GABRG1: variants seen among roughly 807,000 people sequenced by gnomAD.
GABRG1 encodes the protein gamma-aminobutyric acid receptor subunit gamma-1.
Under a neutral mutation model 49.8 loss-of-function variants are expected in GABRG1, and 49 were observed. That is an observed-to-expected ratio of 0.98 (90% CI 0.78 to 1.25). The LOEUF (loss-of-function observed/expected upper bound fraction) is 1.25. Among genes scored for constraint, GABRG1 ranks in the 50% most tolerant of loss-of-function variants. The pLI is 0.00. For missense variants in GABRG1, 552 were observed against 552.3 expected, an observed-to-expected ratio of 1.00 and a Z score of 0.01; for synonymous variants, 232 against 185.1, an observed-to-expected ratio of 1.25 and a Z score of -2.06.
intron 1 of GABRG1, among the ~76,000 whole-genome samples, chr4:46,116,072 T>C (rs1445498007): frequency 1.3e-5 from 2 of 150,816 alleles, no homozygotes; most frequent in Non-Finnish European, 3.0e-5. Flanking sequence ...GCTTGCCAAC[T>C]TTTAGATTTT....
At chr4:46,063,042 T>A (rs1386670925) in intron 5 of GABRG1, among the ~76,000 whole-genome samples, 2 of 150,694 alleles carry the variant, frequency 1.3e-5, no homozygotes, top group Non-Finnish European at 3.0e-5. Flanking sequence ...TGGAAGAACA[T>A]TCCATGCTCA....
rs10627690 is a variant in GABRG1, at chr4:46,093,069, T to TAAA, written c.253+4129_253+4131dup. ...GGGCAACAACAGCGAAACTCCATCTTAAAAAAAAAAAAAAAAAAGTCAAAT... is the reference window on the plus strand; with the variant it reads ...GGGCAACAACAGCGAAACTCCATCTTAAAAAAAAAAAAAAAAAAAAAGTCAAAT... On this transcript the variant is annotated intron_variant, in intron 2 of 8. Coordinates refer to ENST00000295452, the MANE Select transcript of GABRG1 (RefSeq NM_173536.4). 2.1e-3 allele frequency among the ~76,000 whole-genome samples: 259 copies of TAAA among 122,226 alleles called. 3 individuals are homozygous for TAAA. Among genetic ancestry groups the TAAA allele is most frequent in the South Asian group, 0.013 (49 of 3,688 alleles). 80.2% of individuals were successfully genotyped at this position (122,226 alleles called of 152,430 possible).
Position 46,041,273 on chromosome 4 carries a change from G to T in GABRG1, c.1132-19C>A, listed in dbSNP as rs1334473307. The T allele has an allele frequency of 1.4e-5, 23 of 1,603,338 alleles. No homozygotes were observed. Among genetic ancestry groups the T allele is most frequent in the Middle Eastern group, 3.3e-4 (2 of 6,012 alleles). On this transcript the variant is annotated intron_variant, in intron 8 of 8. Coordinates refer to ENST00000295452, the MANE Select transcript of GABRG1 (RefSeq NM_173536.4). ...GAGTCATCTGAGCACAATAATAAAT[G>T]AATTTTTGACATCAAAAAAGTAGCA...
intron 2 of GABRG1, among the ~76,000 whole-genome samples, chr4:46,093,114 A>G (rs1436104828): frequency 1.3e-5 from 2 of 151,746 alleles, no homozygotes; most frequent in East Asian, 3.9e-4. Flanking sequence ...AAGAAAACAC[A>G]TATAGATATA....
intron 6 of GABRG1, 53 bp downstream of exon 6, chr4:46,058,432 T>C (rs1445643461): frequency 3.2e-5 from 51 of 1,596,786 alleles, no homozygotes; most frequent in Non-Finnish European, 4.3e-5. Context: ...ATATTTAAAA[T>C]AAAAATGTCA....
At chr4:46,119,742 T>A (rs1227976284) in intron 1 of GABRG1, among the ~76,000 whole-genome samples, 1 of 151,584 alleles carries the variant, frequency 6.6e-6, no homozygotes, top group African/African-American at 2.4e-5. Flanking sequence ...AGAGGTGTAT[T>A]TTTAATTTTG....
At chr4:46,104,789 G>A (rs576323806) in intron 1 of GABRG1, among the ~76,000 whole-genome samples, 6 of 151,230 alleles carry the variant, frequency 4.0e-5, no homozygotes, top group Non-Finnish European at 8.9e-5. Flanking sequence ...TGGATGCTGG[G>A]GATGCAAAGA....
chr4:46,058,548 T>G lies in GABRG1; in HGVS notation c.700A>C (p.Arg234=). ...CCTACAAATGCAAACTGATATAATC[T>G]CCAGTATTTAGGATCAGCCACTTCT... ...SVEVADPKYW[R]LYQFAFVGLR... The change falls in exon 6 of 9, where the codon AGA becomes CGA. Residue 234 remains arginine (R), a synonymous_variant. Coordinates refer to ENST00000295452, the MANE Select transcript of GABRG1 (RefSeq NM_173536.4). The G allele has an allele frequency of 6.2e-7, 1 of 1,613,198 alleles. No individual in the cohort carries two copies. Among genetic ancestry groups the G allele is most frequent in the South Asian group, 1.1e-5 (1 of 91,050 alleles).
chr4:46,119,311 T>G (rs1721026170), intron 1 of GABRG1, among the ~76,000 whole-genome samples: 1 of 151,462 alleles, frequency 6.6e-6, no homozygotes, highest in Non-Finnish European at 1.5e-5. Context: ...TTTAAAAAAT[T>G]TATCAACACT....
intron 2 of GABRG1, among the ~76,000 whole-genome samples, chr4:46,087,964 A>G (rs1038358703): frequency 1.3e-5 from 2 of 152,104 alleles, no homozygotes; most frequent in African/African-American, 4.8e-5. Flanking sequence ...AAATTTAAAT[A>G]GAAATTAATT....
intron 1 of GABRG1, among the ~76,000 whole-genome samples, chr4:46,110,721 T>G (rs1264427008): frequency 6.6e-6 from 1 of 151,174 alleles, no homozygotes; most frequent in African/African-American, 2.4e-5. Flanking sequence ...ATAAATGTGA[T>G]TCATCATATG....
intron 3 of GABRG1, among the ~76,000 whole-genome samples, chr4:46,066,460 T>C (rs188964322): frequency 6.2e-4 from 94 of 152,334 alleles, no homozygotes; most frequent in African/African-American, 2.0e-3. Context: ...TATGTACTAC[T>C]ATAATCATTA....
In GABRG1 at chr4:46,053,130, A is replaced by G. The variant is rs1046217106; in HGVS notation, c.917-1492T>C. On this transcript the variant is annotated intron_variant, in intron 7 of 8. Transcript: ENST00000295452. ...ATATACACAAAATGTACTTAATTTA[A>G]TTATTTGTCTTTTTTTTAAATTTCC... 6.6e-5 allele frequency among the ~76,000 whole-genome samples: 10 copies of G among 151,832 alleles called. 1 individual carries two copies. The highest frequency in any genetic ancestry group is 1.5e-4 in the Non-Finnish European group (10 of 67,856).
intron 3 of GABRG1, among the ~76,000 whole-genome samples, chr4:46,082,526 C>A (rs1346494795): frequency 1.3e-5 from 2 of 151,758 alleles, no homozygotes; most frequent in Non-Finnish European, 2.9e-5. Flanking sequence ...AAAGTTTGGA[C>A]ATGAGATCAA....
chr4:46,120,481 G>C (rs73146829), intron 1 of GABRG1, among the ~76,000 whole-genome samples: 7,780 of 151,518 alleles, frequency 0.051, 669 homozygotes, highest in African/African-American at 0.18. Context: ...TGTACACAGG[G>C]GTTTTATCAA....
At chr4:46,109,120 G>A (rs1303344878) in intron 1 of GABRG1, among the ~76,000 whole-genome samples, 1 of 150,836 alleles carries the variant, frequency 6.6e-6, no homozygotes. Context: ...ATGCCTAGTA[G>A]AATTTGGCTG....
intron 8 of GABRG1, among the ~76,000 whole-genome samples, chr4:46,049,803 T>G (rs761692161): frequency 9.9e-5 from 15 of 151,946 alleles, no homozygotes; most frequent in Non-Finnish European, 2.2e-4. Context: ...TGAGTGTACA[T>G]GATCTGCGGT....
chr4:46,093,709 T>C (rs903768943), intron 2 of GABRG1, among the ~76,000 whole-genome samples: 4 of 151,938 alleles, frequency 2.6e-5, no homozygotes, highest in Non-Finnish European at 5.9e-5. Context: ...ATGTACCCCA[T>C]AAATGTATAC....
At chr4:46,053,127 T>A (rs949363235) in intron 7 of GABRG1, among the ~76,000 whole-genome samples, 2 of 151,878 alleles carry the variant, frequency 1.3e-5, no homozygotes, top group Admixed American at 1.3e-4. Flanking sequence ...TGTACTTAAT[T>A]TAATTATTTG....
Sources: gnomAD v4.1 joint callset for allele counts (sites outside exome capture counted in the v4.1 genomes callset) on GRCh38, gnomAD v4.1.1 for gene constraint, MANE v1.5 for transcripts, NCBI Gene and HGNC (gene_info 2026-07-23, HGNC 2026-07-21) for gene names.